Variants in BLK observed in about 807,000 individuals in gnomAD.
The protein encoded by BLK is tyrosine-protein kinase Blk.
Under a neutral mutation model 61.8 loss-of-function variants are expected in BLK, and 64 were observed. That is an observed-to-expected ratio of 1.03 (90% CI 0.85 to 1.27). BLK has a LOEUF of 1.27. Among genes scored for constraint, BLK ranks in the 50% most tolerant of loss-of-function variants. The pLI, the probability that BLK is intolerant of heterozygous loss-of-function variation, is 0.00. For missense variants in BLK, 853 were observed against 660.5 expected (o/e 1.29, Z -3.19); for synonymous variants, 351 against 272.0 (o/e 1.29, Z -2.86).
chr8:11,527,941 C>A (rs935044013), intron 1 of BLK, among the ~76,000 whole-genome samples: 2 of 152,196 alleles, frequency 1.3e-5, no homozygotes, highest in Non-Finnish European at 2.9e-5. Flanking sequence ...ATTCAGGTCC[C>A]CCCATAATCC....
chr8:11,545,783 T>G (rs1585391933), intron 2 of BLK: 8 of 513,208 alleles, frequency 1.6e-5, no homozygotes, highest in African/African-American at 1.9e-5. Flanking sequence ...TGGTTGGGCT[T>G]TCCCTCATTG....
intron 1 of BLK, among the ~76,000 whole-genome samples, chr8:11,503,527 T>C (rs993159698): frequency 2.0e-5 from 3 of 152,156 alleles, no homozygotes; most frequent in Non-Finnish European, 4.4e-5. Flanking sequence ...TGCCCAAGCC[T>C]TATACAGGGT....
intron 2 of BLK, 107 bp downstream of exon 2, chr8:11,543,454 G>T: frequency 1.0e-5 from 15 of 1,452,230 alleles, no homozygotes; most frequent in Non-Finnish European, 1.3e-5. Flanking sequence ...TGATAGGGAT[G>T]TAACGATCTG....
In BLK at chr8:11,564,499, G is replaced by A. The variant is rs1801643093; in HGVS notation, c.*391G>A. ...GTGGACCCCGCCCTGCCCCGCTACA[G>A]AAGCCAGACTGGGTCCCGCGGACGC... On this transcript the variant is annotated 3_prime_UTR_variant, in exon 13 of 13. Coordinates refer to ENST00000259089, the MANE Select transcript of BLK (RefSeq NM_001715.3). 2.0e-6 allele frequency: 1 copy of A among 507,806 alleles called. No homozygotes were observed. Among genetic ancestry groups the A allele is most frequent in the Non-Finnish European group, 3.8e-6 (1 of 260,840 alleles). 31.5% of individuals were successfully genotyped at this position (507,806 alleles called of 1,614,324 possible). A position where few individuals can be genotyped will look rare whatever the true frequency, so the allele number is the denominator to read the frequency against.
rs1389191581 is a variant in BLK, at chr8:11,554,846, G to C, written c.576G>C (p.Arg192=). The change falls in exon 7 of 13, where the codon CGG becomes CGC. Residue 192 remains arginine (R), a synonymous_variant. Transcript: ENST00000259089. The part of the protein sequence containing the change: ...LDEGGYYISP[R]ITFPSLQALV... ...AAGGGGGCTACTACATCTCCCCCCG[G>C]ATCACCTTCCCCTCGCTCCAGGCCC... 1 of 1,613,888 alleles carries C rather than the reference G, an allele frequency of 6.2e-7. No homozygotes were observed. The highest frequency in any genetic ancestry group is 1.3e-5 in the African/African-American group (1 of 75,020).
Position 11,564,174 on chromosome 8 carries a change from CAGACGGGCCGCGA to C in BLK, c.*69_*81del. ...GACGACCCCGACTTCCGTGCCATCC[CAGACGGGCCGCGA>C]AGGCGGGGTGTCGCCTGTGCCCTTT... is the stretch of plus-strand genomic sequence containing the variant. On this transcript the variant is annotated 3_prime_UTR_variant, in exon 13 of 13. Transcript: ENST00000259089. 6.6e-7 allele frequency: 1 copy of C among 1,512,424 alleles called. No homozygotes were observed. Among genetic ancestry groups the C allele is most frequent in the South Asian group, 1.2e-5 (1 of 83,416 alleles). 93.7% of individuals were successfully genotyped at this position (1,512,424 alleles called of 1,614,324 possible). A position where few individuals can be genotyped will look rare whatever the true frequency, so the allele number is the denominator to read the frequency against.
chr8:11,541,618 C>G (rs1800385786), intron 1 of BLK, among the ~76,000 whole-genome samples: 1 of 151,990 alleles, frequency 6.6e-6, no homozygotes, highest in Non-Finnish European at 1.5e-5. Context: ...TTGCCTCAGC[C>G]TCCTGAGTAG....
Position 11,556,740 on chromosome 8 carries a change from C to T in BLK, c.855C>T (p.Ala285=). 1 of 1,614,174 alleles carries T rather than the reference C, an allele frequency of 6.2e-7. No individual in the cohort carries two copies. The highest frequency in any genetic ancestry group is 8.5e-7 in the Non-Finnish European group (1 of 1,180,026). ...CTCCAGAAGCCTTTCTGGGTGAGGC[C>T]AACGTGATGAAGGCTCTGCAGCACG... The part of the protein sequence containing the change: ...TMSPEAFLGE[A]NVMKALQHER... Residue 285 remains alanine (A), a synonymous_variant, in exon 9 of 13, where the codon GCC becomes GCT. Transcript: ENST00000259089.
intron 3 of BLK, among the ~76,000 whole-genome samples, chr8:11,546,521 C>T (rs778453434): frequency 1.3e-5 from 2 of 152,084 alleles, no homozygotes; most frequent in African/African-American, 2.4e-5. Context: ...CCAGTCACTT[C>T]GAGAGTCCCG....
intron 1 of BLK, among the ~76,000 whole-genome samples, chr8:11,539,075 G>GT (rs200441033): frequency 3.0e-3 from 440 of 148,244 alleles, no homozygotes; most frequent in African/African-American, 5.5e-3. Flanking sequence ...AAGTCCGCTG[G>GT]TTTTTTTTTT....
chr8:11,523,316 G>T (rs1208592422), intron 1 of BLK, among the ~76,000 whole-genome samples: 1 of 152,188 alleles, frequency 6.6e-6, no homozygotes, highest in African/African-American at 2.4e-5. Flanking sequence ...CACTTTGAGA[G>T]ACCAAGGCAG....
chr8:11,555,570 G>A, intron 8 of BLK, 86 bp downstream of exon 8: 2 of 1,583,182 alleles, frequency 1.3e-6, no homozygotes, highest in Non-Finnish European at 1.7e-6. Context: ...TTCATAGCGT[G>A]TCATCCCTCC....
At chr8:11,541,043 G>C (rs1800355640) in intron 1 of BLK, among the ~76,000 whole-genome samples, 2 of 152,138 alleles carry the variant, frequency 1.3e-5, no homozygotes, top group Non-Finnish European at 2.9e-5. Context: ...AGATGGGCAG[G>C]TCACTTGAGC....
intron 1 of BLK, among the ~76,000 whole-genome samples, chr8:11,506,723 G>T (rs76421825): frequency 0.016 from 2,465 of 152,276 alleles, 65 homozygotes; most frequent in African/African-American, 0.057. Flanking sequence ...GTCCATGCAG[G>T]GGGCTGCTAG....
chr8:11,556,678 A>C lies in BLK; in HGVS notation c.793A>C (p.Lys265Gln), dbSNP rs964223980. ...VWMGYYKNNMKVAIKTLKEGT... is the reference protein window; with the variant it reads ...VWMGYYKNNMQVAIKTLKEGT... ...CTCAGGTTACTACAAAAACAACATG[A>C]AGGTGGCCATTAAGACGCTGAAGGA... Residue 265 changes from lysine to glutamine, a missense_variant, in exon 9 of 13, where the codon AAG (lysine) becomes CAG (glutamine). By Grantham distance (53) the Lys-to-Gln change is moderately conservative. Transcript: ENST00000259089. 1 of 1,614,040 alleles carries C rather than the reference A, an allele frequency of 6.2e-7. No homozygotes were observed. The highest frequency in any genetic ancestry group is 1.3e-5 in the African/African-American group (1 of 74,910).
intron 1 of BLK, among the ~76,000 whole-genome samples, chr8:11,502,875 G>C (rs1228612095): frequency 6.6e-6 from 1 of 152,186 alleles, no homozygotes; most frequent in Non-Finnish European, 1.5e-5. Flanking sequence ...AGGGGAAGGG[G>C]GGTGGGCCTG....
At chr8:11,533,657 G>C (rs75815501) in intron 1 of BLK, among the ~76,000 whole-genome samples, 6 of 150,526 alleles carry the variant, frequency 4.0e-5, no homozygotes, top group South Asian at 4.3e-4. Flanking sequence ...AGGAGACGGA[G>C]GGGGAGAGGG....
At chr8:11,554,622 G>A in intron 6 of BLK, 121 bp from the exon 7 acceptor site, 2 of 1,195,366 alleles carry the variant, frequency 1.7e-6, no homozygotes, top group Non-Finnish European at 2.4e-6. Context: ...TGGAGGGAGT[G>A]CTGATAATGA....
intron 1 of BLK, among the ~76,000 whole-genome samples, chr8:11,500,692 T>C (rs2117241187): frequency 6.6e-6 from 1 of 151,770 alleles, no homozygotes; most frequent in South Asian, 2.1e-4. Flanking sequence ...ATTTTGGTTT[T>C]TGTAGAGATG....
Sources: allele counts gnomAD v4.1 joint callset (sites outside exome capture counted in the v4.1 genomes callset), GRCh38; gene constraint gnomAD v4.1.1; transcripts MANE v1.5; gene names NCBI Gene and HGNC (gene_info 2026-07-23, HGNC 2026-07-21).